Variants in TMEM117 observed in about 807,000 individuals in gnomAD.
TMEM117 encodes the protein transmembrane protein 117.
In TMEM117, 27 loss-of-function variants were observed where a neutral mutation model predicts 52.4. The observed-to-expected ratio is 0.51, with a 90% CI of 0.38 to 0.71. TMEM117 has a LOEUF of 0.71. Ranked by LOEUF, TMEM117 falls within the 30% of genes least tolerant of loss-of-function variation. The probability of loss-of-function intolerance (pLI) is 0.00; values close to 1 mark genes in which losing one functional copy is unlikely to be tolerated. For synonymous variants in TMEM117, 215 were observed against 206.3 expected (o/e 1.04, Z -0.36); for missense variants, 556 against 630.5 (o/e 0.88, Z 1.26).
At chr12:44,054,068 G>C (rs1241320717) in intron 3 of TMEM117, among the ~76,000 whole-genome samples, 1 of 152,152 alleles carries the variant, frequency 6.6e-6, no homozygotes. Context: ...TTGCATCCCT[G>C]ATAACTAGTG....
chr12:43,869,548 G>A (rs989080848), intron 2 of TMEM117, among the ~76,000 whole-genome samples: 2 of 152,194 alleles, frequency 1.3e-5, no homozygotes, highest in East Asian at 1.9e-4. Context: ...GCCTTTAAAT[G>A]TGTACTCTGA....
chr12:43,806,945 A>G, the TMEM117 span, among the ~76,000 whole-genome samples: 1 of 152,218 alleles, frequency 6.6e-6, no homozygotes, highest in Admixed American at 6.5e-5. Flanking sequence ...GTGGTCGATT[A>G]TACCATTGCA....
Position 44,267,944 on chromosome 12 carries a change from A to G in TMEM117, c.609-31636A>G, listed in dbSNP as rs147079054. Among the ~76,000 whole-genome samples the G allele has an allele frequency of 5.3e-5, 8 of 152,286 alleles. No individual in the cohort carries two copies. In the East Asian group the frequency reaches 1.5e-3, roughly 29 times the overall value. ...TTTCTATGTCTCAGCTACTGTGAAC[A>G]ATGCTGCATTGAACATGGGAGTGCA... On this transcript the variant is annotated intron_variant, in intron 5 of 7. Coordinates refer to ENST00000266534, the MANE Select transcript of TMEM117 (RefSeq NM_032256.3).
At chr12:44,327,294 A>G (rs1951209076) in intron 6 of TMEM117, among the ~76,000 whole-genome samples, 1 of 152,216 alleles carries the variant, frequency 6.6e-6, no homozygotes. Flanking sequence ...CAGGTATAAA[A>G]CTATCTTTGG....
rs368094705 is a variant in TMEM117, at chr12:44,184,783, C to T, written c.511-26507C>T. Among the ~76,000 whole-genome samples, 26 of 152,216 alleles carry T rather than the reference C, an allele frequency of 1.7e-4. 1 individual carries two copies. In the South Asian group the frequency reaches 5.4e-3, roughly 32 times the overall value. Reference sequence around the variant, plus strand: ...TTCTGTTCCTGGTTTTATAATTTACCTCATTTTCTGACTACACAACTGTGA... The same window carrying T: ...TTCTGTTCCTGGTTTTATAATTTACTTCATTTTCTGACTACACAACTGTGA... On this transcript the variant is annotated intron_variant, in intron 4 of 7. Transcript: ENST00000266534.
chr12:44,191,659 T>G (rs1200138677), intron 4 of TMEM117, among the ~76,000 whole-genome samples: 1 of 152,164 alleles, frequency 6.6e-6, no homozygotes, highest in Non-Finnish European at 1.5e-5. Context: ...CCATACATAT[T>G]GGGTCATTTA....
chr12:43,887,082 C>T (rs149184140), intron 2 of TMEM117, among the ~76,000 whole-genome samples: 55 of 152,276 alleles, frequency 3.6e-4, no homozygotes, highest in African/African-American at 1.3e-3. Context: ...CTCCTGACCT[C>T]AAGTGACCCG....
chr12:44,316,700 C>T (rs1027447068), intron 6 of TMEM117, among the ~76,000 whole-genome samples: 2 of 152,046 alleles, frequency 1.3e-5, no homozygotes, highest in Non-Finnish European at 2.9e-5. Context: ...TTTTTCTCCT[C>T]CTCTCTCAGG....
intron 3 of TMEM117, among the ~76,000 whole-genome samples, chr12:44,091,917 C>T (rs1947679510): frequency 1.3e-5 from 2 of 152,258 alleles, no homozygotes; most frequent in Middle Eastern, 3.4e-3. Flanking sequence ...GATATGTTAG[C>T]TGTTCATTTC....
At chr12:44,202,112 G>C (rs945117210) in intron 4 of TMEM117, among the ~76,000 whole-genome samples, 1 of 151,724 alleles carries the variant, frequency 6.6e-6, no homozygotes, top group African/African-American at 2.4e-5. Flanking sequence ...AATAAAATAG[G>C]GTAGTGAAGG....
At chr12:43,877,610 G>A (rs554764165) in intron 2 of TMEM117, among the ~76,000 whole-genome samples, 4 of 150,654 alleles carry the variant, frequency 2.7e-5, no homozygotes, top group East Asian at 3.9e-4. Flanking sequence ...ACTCCAGCCC[G>A]GGCGACATAG....
intron 5 of TMEM117, among the ~76,000 whole-genome samples, chr12:44,277,236 G>C (rs1950525385): frequency 6.6e-6 from 1 of 151,916 alleles, no homozygotes; most frequent in Middle Eastern, 3.2e-3. Flanking sequence ...AGTTTGTATA[G>C]GTAATCCTTC....
At chr12:43,808,833 AAAG>A in the TMEM117 span, among the ~76,000 whole-genome samples, 4,779 of 148,648 alleles carry the variant, frequency 0.032, 63 homozygotes, top group African/African-American at 0.038. Context: ...AAAAAAAAAA[AAAG>A]GAGCTACTAC....
At position 43,857,313 on chromosome 12, in the gene TMEM117, C is replaced by CTTT. The variant is rs10625731; in HGVS notation, c.277+12397_277+12399dup. ...ATGAACCAGGGTGCCTTTCTAGGTA[C>CTTT]TTTTTTTTTTTTTTATTGTACTTGA... On this transcript the variant is annotated intron_variant, in intron 2 of 7. Transcript: ENST00000266534. Among the ~76,000 whole-genome samples the CTTT allele has an allele frequency of 2.3e-3, 335 of 148,148 alleles. 4 individuals are homozygous for CTTT. The highest frequency in any genetic ancestry group is 5.1e-3 in the South Asian group (24 of 4,728).
At chr12:44,374,505 A>G (rs1393551829) in intron 6 of TMEM117, among the ~76,000 whole-genome samples, 3 of 152,002 alleles carry the variant, frequency 2.0e-5, no homozygotes, top group Admixed American at 1.3e-4. Flanking sequence ...AAGTAAAGTA[A>G]TCTTCCAGAT....
At chr12:43,857,313 C>CTTTTTTTTTT (rs10625731) in intron 2 of TMEM117, among the ~76,000 whole-genome samples, 2 of 148,144 alleles carry the variant, frequency 1.4e-5, no homozygotes. Flanking sequence ...TTTCTAGGTA[C>CTTTTTTTTTT]TTTTTTTTTT....
At chr12:44,378,061 A>T (rs940828797) in intron 7 of TMEM117, among the ~76,000 whole-genome samples, 2 of 152,118 alleles carry the variant, frequency 1.3e-5, no homozygotes, top group African/African-American at 2.4e-5. Flanking sequence ...ACCCTCTTGG[A>T]CTTCTAAAAC....
rs558141513 is a variant in TMEM117 at position 44,221,946 on chromosome 12, G to A, written c.608+10559G>A. 2.6e-5 allele frequency among the ~76,000 whole-genome samples: 4 copies of A among 152,116 alleles called. No homozygotes were observed. The South Asian group carries it at 6.2e-4, about 24-fold the overall frequency. On this transcript the variant is annotated intron_variant, in intron 5 of 7. Coordinates refer to ENST00000266534, the MANE Select transcript of TMEM117 (RefSeq NM_032256.3). ...ACTCCTGACCTCAGGTAATCCGCCCGCCTTAGCCTCCCAAAGTGTTGGGAT... is the reference window on the plus strand; with the variant it reads ...ACTCCTGACCTCAGGTAATCCGCCCACCTTAGCCTCCCAAAGTGTTGGGAT...
intron 5 of TMEM117, chr12:44,263,500 C>G (rs950999227): frequency 3.9e-5 from 6 of 152,036 alleles, no homozygotes; most frequent in Non-Finnish European, 5.9e-5. Flanking sequence ...GGGTATATAC[C>G]CCAAGGATTA....
Sources: allele counts gnomAD v4.1 joint callset (sites outside exome capture counted in the v4.1 genomes callset), GRCh38; gene constraint gnomAD v4.1.1; transcripts MANE v1.5; gene names NCBI Gene and HGNC (gene_info 2026-07-23, HGNC 2026-07-21).